The following ADGRL3 variants were observed in gnomAD, a reference collection of about 807,000 sequenced individuals.
ADGRL3 encodes the protein adhesion G protein-coupled receptor L3.
In ADGRL3, 62 loss-of-function variants were observed where a neutral mutation model predicts 153.5. The ratio of observed to expected loss-of-function variants is 0.40; its 90% CI spans 0.33 to 0.50. The LOEUF (loss-of-function observed/expected upper bound fraction) is 0.50, where lower values mean the gene tolerates loss of function less well. Among genes scored for constraint, ADGRL3 ranks in the 20% least tolerant of loss-of-function variants. ADGRL3 has a pLI of 0.47. For missense variants in ADGRL3, 1,641 were observed against 1,859.4 expected (o/e 0.88, Z 2.16); for synonymous variants, 710 against 672.5 (o/e 1.06, Z -0.86).
intron 1 of ADGRL3, among the ~76,000 whole-genome samples, chr4:61,349,457 C>T (rs1334556700): frequency 1.3e-5 from 2 of 151,956 alleles, no homozygotes; most frequent in Non-Finnish European, 2.9e-5. Context: ...AACAATTACC[C>T]ATGGTTATTT....
chr4:61,857,969 A>G (rs563052328), intron 9 of ADGRL3, among the ~76,000 whole-genome samples: 145 of 152,328 alleles, frequency 9.5e-4, no homozygotes, highest in Admixed American at 2.7e-3. Flanking sequence ...AGAAACTTTA[A>G]TGAGGCAGAA....
chr4:61,204,062 T>C (rs775213159), intron 1 of ADGRL3, among the ~76,000 whole-genome samples: 8 of 152,222 alleles, frequency 5.3e-5, no homozygotes, highest in Non-Finnish European at 1.0e-4. Context: ...CTCTGACTGC[T>C]TTGGTGTTTG....
At chr4:61,596,658 G>T (rs569591612) in intron 5 of ADGRL3, among the ~76,000 whole-genome samples, 1 of 152,156 alleles carries the variant, frequency 6.6e-6, no homozygotes, top group East Asian at 1.9e-4. Flanking sequence ...TTCAACCCTA[G>T]CCTGGGCAAC....
intron 4 of ADGRL3, among the ~76,000 whole-genome samples, chr4:61,554,020 A>C (rs969566651): frequency 2.0e-5 from 3 of 151,970 alleles, no homozygotes; most frequent in Non-Finnish European, 2.9e-5. Context: ...TTTGAGTGAA[A>C]TCTGATAAAA....
At chr4:61,232,289 C>T (rs1184478338) in intron 1 of ADGRL3, among the ~76,000 whole-genome samples, 3 of 151,354 alleles carry the variant, frequency 2.0e-5, no homozygotes, top group Non-Finnish European at 4.4e-5. Flanking sequence ...TCCAGTTTTA[C>T]CAGTGACCAA....
chr4:61,483,846 C>CA (rs2098160083), intron 2 of ADGRL3, among the ~76,000 whole-genome samples: 1 of 150,526 alleles, frequency 6.6e-6, no homozygotes, highest in Non-Finnish European at 1.5e-5. Context: ...GTTATATGTA[C>CA]ATTTATATAA....
chr4:61,841,566 T>G (rs2098033065), intron 9 of ADGRL3, among the ~76,000 whole-genome samples: 1 of 152,232 alleles, frequency 6.6e-6, no homozygotes, highest in African/African-American at 2.4e-5. Flanking sequence ...CAAAAAGATT[T>G]GTTTTGAAGA....
At chr4:61,294,943 C>G (rs2094356608) in intron 1 of ADGRL3, among the ~76,000 whole-genome samples, 1 of 150,978 alleles carries the variant, frequency 6.6e-6, no homozygotes, top group Non-Finnish European at 1.5e-5. Flanking sequence ...ACAGTAGTCC[C>G]CATTATTCGC....
intron 1 of ADGRL3, among the ~76,000 whole-genome samples, chr4:61,318,783 A>G (rs1052012603): frequency 3.9e-5 from 6 of 152,360 alleles, no homozygotes; most frequent in Non-Finnish European, 8.8e-5. Flanking sequence ...TATGATTGCA[A>G]AAATGAAAAC....
At chr4:61,683,279 A>C (rs1451211027) in intron 6 of ADGRL3, among the ~76,000 whole-genome samples, 1 of 151,896 alleles carries the variant, frequency 6.6e-6, no homozygotes, top group Non-Finnish European at 1.5e-5. Flanking sequence ...CACCCAACTA[A>C]TTTTTGTATT....
intron 9 of ADGRL3, among the ~76,000 whole-genome samples, chr4:61,880,712 A>T (rs1202243764): frequency 6.6e-6 from 1 of 152,210 alleles, no homozygotes; most frequent in Non-Finnish European, 1.5e-5. Flanking sequence ...TATACTCTGT[A>T]CGCTGATTAT....
intron 9 of ADGRL3, among the ~76,000 whole-genome samples, chr4:61,871,055 A>G (rs28874386): frequency 0.055 from 8,406 of 152,154 alleles, 267 homozygotes; most frequent in Non-Finnish European, 0.069. Flanking sequence ...AAGGCGGGCG[A>G]ATCACGAGGT....
chr4:61,307,106 G>A (rs768469461), intron 1 of ADGRL3, among the ~76,000 whole-genome samples: 40 of 152,238 alleles, frequency 2.6e-4, no homozygotes, highest in African/African-American at 9.1e-4. Context: ...GAATTGAGGC[G>A]CATAATAAAT....
At chr4:61,441,672 G>A (rs778620810) in intron 2 of ADGRL3, among the ~76,000 whole-genome samples, 1 of 151,754 alleles carries the variant, frequency 6.6e-6, no homozygotes, top group Non-Finnish European at 1.5e-5. Flanking sequence ...GGTGCATGCC[G>A]CTACGCCTGG....
At chr4:61,323,155 T>C (rs764214185) in intron 1 of ADGRL3, among the ~76,000 whole-genome samples, 27 of 152,166 alleles carry the variant, frequency 1.8e-4, no homozygotes, top group Non-Finnish European at 3.2e-4. Context: ...TTGGACCCTT[T>C]TAGTCAGTGT....
At chr4:61,908,294 G>GA (rs201765495) in intron 11 of ADGRL3, among the ~76,000 whole-genome samples, 14 of 149,868 alleles carry the variant, frequency 9.3e-5, no homozygotes, top group Non-Finnish European at 1.3e-4. Context: ...TCTTACAAAA[G>GA]AAAAAAAAAG....
At chr4:61,834,517 T>A (rs778316452) in intron 9 of ADGRL3, among the ~76,000 whole-genome samples, 23 of 152,138 alleles carry the variant, frequency 1.5e-4, no homozygotes, top group Non-Finnish European at 3.2e-4. Context: ...TAGTTCAAGA[T>A]CCCTGAGGAA....
At chr4:61,885,876 T>A (rs1377397817) in intron 9 of ADGRL3, among the ~76,000 whole-genome samples, 1 of 152,140 alleles carries the variant, frequency 6.6e-6, no homozygotes, top group Non-Finnish European at 1.5e-5. Context: ...AGACAGCACA[T>A]ATGTAAAACA....
At chr4:61,960,529 G>C (rs1233494849) in intron 17 of ADGRL3, among the ~76,000 whole-genome samples, 2 of 152,140 alleles carry the variant, frequency 1.3e-5, no homozygotes, top group African/African-American at 4.8e-5. Flanking sequence ...AAAGCCACAG[G>C]AGAGTTTTGA....
Sources: allele counts gnomAD v4.1 joint callset (sites outside exome capture counted in the v4.1 genomes callset), GRCh38; gene constraint gnomAD v4.1.1; transcripts MANE v1.5; gene names NCBI Gene and HGNC (gene_info 2026-07-23, HGNC 2026-07-21).